CHD7: variants seen among roughly 807,000 people sequenced by gnomAD.
CHD7 encodes chromodomain helicase DNA binding protein 7.
In CHD7, 24 loss-of-function variants were observed where a neutral mutation model predicts 307.3. The observed-to-expected ratio is 0.08, with a 90% confidence interval of 0.06 to 0.11. The LOEUF is 0.11. Ranked by LOEUF, CHD7 falls within the 10% of genes least tolerant of loss-of-function variation. The pLI, the probability that CHD7 is intolerant of heterozygous loss-of-function variation, is 1.00. For missense variants in CHD7, 3,106 were observed against 3,727.1 expected (o/e 0.83, Z 4.34); for synonymous variants, 1,363 against 1,349.9 (o/e 1.01, Z -0.21).
At chr8:60,748,277 G>A (rs1363428386) in intron 2 of CHD7, among the ~76,000 whole-genome samples, 2 of 152,198 alleles carry the variant, frequency 1.3e-5, no homozygotes. Flanking sequence ...TTGAGAGAAG[G>A]ATGGATAAAG....
At position 60,740,554 on chromosome 8, in the gene CHD7, T is replaced by C. The variant is rs1808943280; in HGVS notation, c.-174-705T>C. Among the ~76,000 whole-genome samples the C allele has an allele frequency of 3.9e-5, 6 of 152,356 alleles. No individual in the cohort carries two copies. The South Asian group carries it at 1.2e-3, about 32-fold the overall frequency. On this transcript the variant is annotated intron_variant, in intron 1 of 37. Coordinates refer to ENST00000423902, the MANE Select transcript of CHD7 (RefSeq NM_017780.4). ...TCTTGGACAATGAAAGCTTTTCTTT[T>C]AGTTTCTTTCTGAATCTTGTATATT...
intron 9 of CHD7, among the ~76,000 whole-genome samples, 195 bp from the exon 10 acceptor site, chr8:60,821,593 TAC>T (rs1343699770): frequency 6.6e-6 from 1 of 151,118 alleles, no homozygotes; most frequent in Non-Finnish European, 1.5e-5. Context: ...TAAGCATATA[TAC>T]ACACATACAT....
intron 1 of CHD7, among the ~76,000 whole-genome samples, chr8:60,732,415 C>T (rs1156768955): frequency 6.6e-6 from 1 of 152,208 alleles, no homozygotes; most frequent in Non-Finnish European, 1.5e-5. Context: ...CCTCTGCATC[C>T]TCCTCCAGAG....
Position 60,742,959 on chromosome 8 carries a change from G to A in CHD7, c.1527G>A (p.Gln509=). ...QQHPGQQPSF[Q]QLPTCPPLQP... ...ATCCTGGTCAACAGCCATCTTTTCA[G>A]CAGTTGCCAACCTGTCCTCCACTGC... is the stretch of plus-strand genomic sequence containing the variant. Residue 509 remains glutamine, a synonymous_variant, in exon 2 of 38, where the codon CAG becomes CAA. Coordinates refer to ENST00000423902, the MANE Select transcript of CHD7 (RefSeq NM_017780.4). 1 of 1,613,454 alleles carries A rather than the reference G, an allele frequency of 6.2e-7. No homozygotes were observed.
chr8:60,844,806 G>A (rs1432510154), intron 21 of CHD7, 58 bp from the exon 22 acceptor site: 9 of 1,434,134 alleles, frequency 6.3e-6, no homozygotes, highest in Non-Finnish European at 8.5e-6. Flanking sequence ...CTGACTTAAA[G>A]TAAAGCCATA....
At chr8:60,838,292 A>T in intron 19 of CHD7, 37 bp downstream of exon 19, 1 of 1,562,584 alleles carries the variant, frequency 6.4e-7, no homozygotes, top group Non-Finnish European at 8.7e-7. Context: ...TTTTCCATAG[A>T]AGCATGACAG....
intron 1 of CHD7, among the ~76,000 whole-genome samples, chr8:60,715,064 C>G (rs1807520563): frequency 6.6e-6 from 1 of 152,204 alleles, no homozygotes; most frequent in South Asian, 2.1e-4. Context: ...ATGCATGGCT[C>G]TTCTTGATCA....
At chr8:60,846,773 T>C (rs1236095290) in intron 23 of CHD7, among the ~76,000 whole-genome samples, 1 of 152,252 alleles carries the variant, frequency 6.6e-6, no homozygotes, top group African/African-American at 2.4e-5. Context: ...TTTATCCCCA[T>C]TTAACTGACA....
Position 60,865,152 on chromosome 8 carries a change from C to T in CHD7, c.8213C>T (p.Thr2738Met), listed in dbSNP as rs761409446. The T allele has an allele frequency of 3.2e-5, 52 of 1,611,862 alleles. No individual in the cohort carries two copies. Among genetic ancestry groups the T allele is most frequent in the Non-Finnish European group, 4.3e-5 (51 of 1,179,136 alleles). ...AAAAAAAVAS[T>M]SGINPLLVNS... The stretch of plus-strand genomic sequence containing the variant: ...GCGGCCGCCGCTGCTGTGGCCTCCA[C>T]GTCAGGGATCAACCCTTTGCTGGTG... The change falls in exon 38 of 38, where the codon ACG (threonine) becomes ATG (methionine). Residue 2738 changes from threonine (T) to methionine (M), a missense_variant. Thr to Met is a moderately conservative substitution (Grantham distance 81). Around this residue, in one of 10 missense-constraint regions of CHD7, gnomAD observed 351 missense variants for 366.2 expected, o/e 0.96. Coordinates refer to ENST00000423902, the MANE Select transcript of CHD7 (RefSeq NM_017780.4). This position sits in a 1 kb window ranked among gnomAD's most constrained non-coding sequence, Gnocchi z 4.3.
At chr8:60,792,988 G>A (rs1336133649) in intron 3 of CHD7, among the ~76,000 whole-genome samples, 1 of 152,252 alleles carries the variant, frequency 6.6e-6, no homozygotes, top group African/African-American at 2.4e-5. Flanking sequence ...AGCTGATTGA[G>A]GGAAGCAGAT....
chr8:60,771,058 T>A (rs1247663415), intron 2 of CHD7, among the ~76,000 whole-genome samples: 1 of 152,242 alleles, frequency 6.6e-6, no homozygotes, highest in African/African-American at 2.4e-5. Flanking sequence ...AAAATGGTGA[T>A]AACTTCACTG....
chr8:60,834,899 G>C (rs1804673211), intron 15 of CHD7, among the ~76,000 whole-genome samples: 1 of 152,206 alleles, frequency 6.6e-6, no homozygotes, highest in South Asian at 2.1e-4. Context: ...CTGTCCCACT[G>C]ACCCAACCTT....
intron 2 of CHD7, among the ~76,000 whole-genome samples, chr8:60,761,862 C>T (rs1014990059): frequency 6.6e-6 from 1 of 152,078 alleles, no homozygotes. Flanking sequence ...AAAGTAAGAT[C>T]TTCAGGAGCC....
chr8:60,811,110 C>G (rs1812785141), intron 7 of CHD7, among the ~76,000 whole-genome samples: 1 of 152,216 alleles, frequency 6.6e-6, no homozygotes, highest in Non-Finnish European at 1.5e-5. Context: ...GAAAAATTGT[C>G]TTCCACGAAA....
rs1463760760 is a variant in CHD7, at chr8:60,856,524, C to T, written c.7244C>T (p.Ala2415Val). 1.2e-6 allele frequency: 2 copies of T among 1,613,764 alleles called. No homozygotes were observed. Among genetic ancestry groups the T allele is most frequent in the Admixed American group, 1.7e-5 (1 of 59,990 alleles). The change falls in exon 34 of 38, where the codon GCC becomes GTC. Residue 2415 changes from alanine (A) to valine (V), a missense_variant. This residue lies in a region of CHD7 where 1,030 missense variants were observed against 1,165.4 expected (regional missense o/e 0.88). Transcript: ENST00000423902. The stretch of plus-strand genomic sequence containing the variant: ...ATCGAAATTGAGGCCGAAAGAGCTG[C>T]CAAGAGGCGAAATCTCATGGAGATG... ...RKIEIEAERAAKRRNLMEMVA... is the reference protein window; with the variant it reads ...RKIEIEAERAVKRRNLMEMVA...
intron 2 of CHD7, among the ~76,000 whole-genome samples, chr8:60,754,398 A>G (rs1010530054): frequency 6.6e-6 from 1 of 152,266 alleles, no homozygotes. Flanking sequence ...AGCATGTGGT[A>G]TATGCCCAAT....
At chr8:60,765,761 C>T (rs1810444523) in intron 2 of CHD7, among the ~76,000 whole-genome samples, 1 of 152,198 alleles carries the variant, frequency 6.6e-6, no homozygotes, top group South Asian at 2.1e-4. Flanking sequence ...GTGTGGTTCA[C>T]AGGGAATCAC....
intron 28 of CHD7, 46 bp from the exon 29 acceptor site, chr8:60,851,973 C>T (rs1465054269): frequency 1.5e-6 from 2 of 1,364,518 alleles, no homozygotes; most frequent in Non-Finnish European, 2.0e-6. Flanking sequence ...CTCTGTATTG[C>T]AAGATTGCAG....
intron 7 of CHD7, among the ~76,000 whole-genome samples, chr8:60,813,126 A>G (rs1287060889): frequency 2.0e-5 from 3 of 152,182 alleles, no homozygotes; most frequent in Non-Finnish European, 4.4e-5. Context: ...CACATTTTTA[A>G]TTAAATTTAT....
Sources: allele counts gnomAD v4.1 joint callset (sites outside exome capture counted in the v4.1 genomes callset), GRCh38; gene constraint gnomAD v4.1.1; regional missense constraint gnomAD v4.1.1; non-coding constraint Gnocchi (gnomAD v3.1); transcripts MANE v1.5; gene names NCBI Gene and HGNC (gene_info 2026-07-23, HGNC 2026-07-21).